The following MDGA2 variants were observed in gnomAD, a reference collection of about 807,000 sequenced individuals.
MDGA2 encodes MAM domain-containing glycosylphosphatidylinositol anchor protein 2.
A neutral mutation model predicts 117.8 loss-of-function variants in MDGA2; 40 were observed. That is an observed-to-expected ratio of 0.34 (90% CI 0.26 to 0.44). MDGA2 has a LOEUF of 0.44. Among genes scored for constraint, MDGA2 ranks in the 20% least tolerant of loss-of-function variants. The pLI is 1.00. For missense variants in MDGA2, 1,123 were observed against 1,250.6 expected (o/e 0.90, Z 1.54); for synonymous variants, 452 against 439.0 (o/e 1.03, Z -0.37).
At chr14:47,279,252 T>C (rs931505806) in intron 2 of MDGA2, among the ~76,000 whole-genome samples, 3 of 152,172 alleles carry the variant, frequency 2.0e-5, no homozygotes, top group African/African-American at 7.2e-5. Context: ...ATATTATCAA[T>C]TACTTTTTTC....
intron 1 of MDGA2, among the ~76,000 whole-genome samples, chr14:47,416,554 A>G (rs1332432298): frequency 2.0e-5 from 3 of 152,138 alleles, no homozygotes; most frequent in African/African-American, 7.2e-5. Flanking sequence ...AAAAGTGCCC[A>G]CATCCCCATG....
chr14:47,661,525 T>A (rs1435275657), intron 1 of MDGA2, among the ~76,000 whole-genome samples: 1 of 152,178 alleles, frequency 6.6e-6, no homozygotes, highest in African/African-American at 2.4e-5. Flanking sequence ...AATATAGATA[T>A]GCCTGGTGCA....
chr14:47,424,995 G>T (rs1487432059), intron 1 of MDGA2, among the ~76,000 whole-genome samples: 2 of 152,212 alleles, frequency 1.3e-5, no homozygotes. Flanking sequence ...AAGGAAGGTA[G>T]ATAGGGGAAA....
intron 1 of MDGA2, among the ~76,000 whole-genome samples, chr14:47,334,487 C>T (rs1018563308): frequency 2.0e-5 from 3 of 151,756 alleles, no homozygotes; most frequent in African/African-American, 4.8e-5. Context: ...TCAGTTGTAA[C>T]GGGATTATAA....
chr14:47,540,114 C>G (rs1895311033), intron 1 of MDGA2, among the ~76,000 whole-genome samples: 1 of 152,106 alleles, frequency 6.6e-6, no homozygotes, highest in Non-Finnish European at 1.5e-5. Flanking sequence ...CCGGGGTTCA[C>G]GCCATTCATC....
rs562208695 is a variant in MDGA2 at position 47,450,125 on chromosome 14, T to C, written c.281-148575A>G. On this transcript the variant is annotated intron_variant, in intron 1 of 16. Transcript: ENST00000399232. ...ATATATTCTTTTTTCTTAATATCTA[T>C]CTTCATTTGAAGGTTTTTTTTAGTA... Among the ~76,000 whole-genome samples the C allele has an allele frequency of 1.8e-4, 28 of 152,196 alleles. 1 individual carries two copies. The highest frequency in any genetic ancestry group is 5.8e-4 in the African/African-American group (24 of 41,550).
intron 6 of MDGA2, among the ~76,000 whole-genome samples, chr14:47,085,316 T>C (rs1423522004): frequency 3.9e-5 from 6 of 152,152 alleles, no homozygotes; most frequent in Admixed American, 3.9e-4. Context: ...GAAATCATTA[T>C]AATAGAAAAC....
At chr14:46,866,013 A>G (rs1181898961) in intron 14 of MDGA2, among the ~76,000 whole-genome samples, 1 of 151,468 alleles carries the variant, frequency 6.6e-6, no homozygotes, top group Non-Finnish European at 1.5e-5. Flanking sequence ...GCTACCAATG[A>G]CTTTCTTCAC....
intron 8 of MDGA2, among the ~76,000 whole-genome samples, chr14:47,016,649 G>A (rs2138562252): frequency 6.6e-6 from 1 of 152,072 alleles, no homozygotes; most frequent in South Asian, 2.1e-4. Flanking sequence ...CTATGATGAT[G>A]CAACTTGGAC....
chr14:47,293,461 G>C (rs1888955931), intron 2 of MDGA2, among the ~76,000 whole-genome samples: 1 of 152,094 alleles, frequency 6.6e-6, no homozygotes, highest in East Asian at 1.9e-4. Context: ...GCCAAATCCA[G>C]GCATAGAGAA....
rs1394806166 is a variant in MDGA2 at position 47,000,048 on chromosome 14, A to T, written c.1819+34963T>A. Among the ~76,000 whole-genome samples, 3 of 151,906 alleles carry T rather than the reference A, an allele frequency of 2.0e-5. No individual in the cohort carries two copies. The East Asian group carries it at 5.8e-4, about 29-fold the overall frequency. On this transcript the variant is annotated intron_variant, in intron 8 of 16. Coordinates refer to ENST00000399232, the MANE Select transcript of MDGA2 (RefSeq NM_001113498.3). The stretch of plus-strand genomic sequence containing the variant: ...ATTTTACAAGTCATTTACCCTTTAC[A>T]ACTTTTAGTTATCTTGCCTAAAAAA...
At chr14:47,557,757 T>C (rs370738271) in intron 1 of MDGA2, among the ~76,000 whole-genome samples, 3 of 152,220 alleles carry the variant, frequency 2.0e-5, no homozygotes, top group Non-Finnish European at 4.4e-5. Context: ...TTGTTAGGAA[T>C]AGTATCCTTA....
chr14:47,435,462 C>A (rs1446105969), intron 1 of MDGA2, among the ~76,000 whole-genome samples: 1 of 152,074 alleles, frequency 6.6e-6, no homozygotes, highest in Admixed American at 6.6e-5. Flanking sequence ...TGGACCACAG[C>A]AGCATGTCTG....
At chr14:47,262,377 C>T (rs1887824931) in intron 2 of MDGA2, among the ~76,000 whole-genome samples, 1 of 152,118 alleles carries the variant, frequency 6.6e-6, no homozygotes, top group Admixed American at 6.6e-5. Flanking sequence ...TTAATCTTGG[C>T]TTTATTTGTA....
chr14:46,861,203 AC>A (rs766024652), intron 14 of MDGA2, among the ~76,000 whole-genome samples: 4 of 151,870 alleles, frequency 2.6e-5, no homozygotes, highest in Admixed American at 1.3e-4. Context: ...TATTTTTAAG[AC>A]CTATTATAGT....
chr14:47,081,805 A>G (rs545008430), intron 6 of MDGA2, among the ~76,000 whole-genome samples: 1 of 152,230 alleles, frequency 6.6e-6, no homozygotes, highest in Admixed American at 6.5e-5. Context: ...CTCAATTTAA[A>G]TTTTGTCATC....
intron 1 of MDGA2, among the ~76,000 whole-genome samples, chr14:47,374,211 C>G (rs564655622): frequency 1.1e-4 from 16 of 152,206 alleles, no homozygotes; most frequent in Middle Eastern, 6.8e-3. Flanking sequence ...GGATTTCCCA[C>G]TAATTACCTT....
intron 2 of MDGA2, among the ~76,000 whole-genome samples, chr14:47,254,253 C>T (rs933741445): frequency 1.3e-5 from 2 of 152,208 alleles, no homozygotes; most frequent in African/African-American, 2.4e-5. Flanking sequence ...TTGAATTTCT[C>T]CTCAGAAAAT....
chr14:46,914,807 G>A (rs1198787700), intron 10 of MDGA2, among the ~76,000 whole-genome samples: 1 of 152,194 alleles, frequency 6.6e-6, no homozygotes, highest in East Asian at 1.9e-4. Context: ...TAAGAGGTGA[G>A]ATTTTTGTAC....
Sources: allele counts gnomAD v4.1 joint callset (sites outside exome capture counted in the v4.1 genomes callset), GRCh38; gene constraint gnomAD v4.1.1; transcripts MANE v1.5; gene names NCBI Gene and HGNC (gene_info 2026-07-23, HGNC 2026-07-21).